The following ITGB6 variants were observed in gnomAD, a reference collection of about 807,000 sequenced individuals.
ITGB6 encodes integrin beta-6.
Under a neutral mutation model 84.5 loss-of-function variants are expected in ITGB6, and 80 were observed. The observed-to-expected ratio is 0.95, with a 90% confidence interval of 0.79 to 1.14. The LOEUF is 1.14. Ranked by LOEUF, ITGB6 falls within the 50% of genes most tolerant of loss-of-function variation. The pLI, the probability that ITGB6 is intolerant of heterozygous loss-of-function variation, is 0.00. For synonymous variants in ITGB6, 383 were observed against 354.9 expected (o/e 1.08, Z -0.89); for missense variants, 1,006 against 968.0 (o/e 1.04, Z -0.52).
chr2:160,152,701 A>G (rs1306703351), intron 7 of ITGB6, among the ~76,000 whole-genome samples: 1 of 152,216 alleles, frequency 6.6e-6, no homozygotes, highest in East Asian at 1.9e-4. Flanking sequence ...AGAAAACCCC[A>G]TCATCTCAGC....
chr2:160,140,143 C>T (rs547536108), intron 8 of ITGB6, among the ~76,000 whole-genome samples: 2 of 152,244 alleles, frequency 1.3e-5, no homozygotes, highest in African/African-American at 4.8e-5. Flanking sequence ...TTTTAGCATA[C>T]ATTTAAAAAT....
chr2:160,118,390 A>G (rs1469975032), intron 12 of ITGB6, among the ~76,000 whole-genome samples: 2 of 152,246 alleles, frequency 1.3e-5, no homozygotes, highest in Non-Finnish European at 2.9e-5. Flanking sequence ...AATCCAGCAT[A>G]TAAACGGAAC....
chr2:160,140,608 G>C (rs1055285758), intron 8 of ITGB6, among the ~76,000 whole-genome samples: 1 of 152,176 alleles, frequency 6.6e-6, no homozygotes, highest in Admixed American at 6.5e-5. Context: ...TTTAATTACT[G>C]CATGAGAGGG....
chr2:160,127,523 T>C (rs1683287310), intron 10 of ITGB6, among the ~76,000 whole-genome samples: 2 of 152,236 alleles, frequency 1.3e-5, no homozygotes, highest in African/African-American at 4.8e-5. Flanking sequence ...CATGTATTGA[T>C]TGATGTCTTA....
At chr2:160,133,131 G>T (rs1367593935) in intron 10 of ITGB6, among the ~76,000 whole-genome samples, 1 of 152,102 alleles carries the variant, frequency 6.6e-6, no homozygotes, top group Non-Finnish European at 1.5e-5. Context: ...ATTGGATAAA[G>T]AGTCAAGACC....
In ITGB6 at chr2:160,137,761, C is replaced by T. The variant is rs1683812033; in HGVS notation, c.1333G>A (p.Glu445Lys). 1.2e-6 allele frequency: 2 copies of T among 1,614,174 alleles called. No homozygotes were observed. The highest frequency in any genetic ancestry group is 2.2e-5 in the South Asian group (2 of 91,074). Residue 445 changes from glutamate to lysine, a missense_variant, in exon 10 of 15, where the codon GAA becomes AAA. Physicochemically the swap from Glu to Lys is moderately conservative, Grantham distance 56. Coordinates refer to ENST00000283249, the MANE Select transcript of ITGB6 (RefSeq NM_000888.5). Reference sequence around the variant, plus strand: ...TTGCATTCTGGGCTGACAAGTAATTCCAGGGCATCCCCCAGCCCCACAGGC... The same window carrying T: ...TTGCATTCTGGGCTGACAAGTAATTTCAGGGCATCCCCCAGCCCCACAGGC... ...IKPVGLGDAL[E>K]LLVSPECNCD...
Position 160,137,813 on chromosome 2 carries a change from C to T in ITGB6, c.1281G>A (p.Glu427=). The T allele has an allele frequency of 3.7e-6, 6 of 1,614,182 alleles. No homozygotes were observed. Among genetic ancestry groups the T allele is most frequent in the Non-Finnish European group, 5.1e-6 (6 of 1,180,022 alleles). ...TTATGATAATGTGCCTGCTTCTTCT[C>T]TCGCAGTGTGGGATATTCACAGTCA... The part of the protein sequence containing the change: ...FSVTVNIPHC[E]RRSRHIIIKP... The change falls in exon 10 of 15, where the codon GAG becomes GAA. Residue 427 remains glutamate (E), a synonymous_variant. Transcript: ENST00000283249.
chr2:160,168,048 A>G (rs575117769), intron 7 of ITGB6, among the ~76,000 whole-genome samples: 3 of 152,204 alleles, frequency 2.0e-5, no homozygotes, highest in Non-Finnish European at 4.4e-5. Context: ...CACATACTAA[A>G]AAGCCTGAAG....
intron 14 of ITGB6, among the ~76,000 whole-genome samples, chr2:160,105,448 C>T (rs921858469): frequency 1.3e-5 from 2 of 152,126 alleles, no homozygotes; most frequent in African/African-American, 4.8e-5. Flanking sequence ...TTGAAATGTG[C>T]TGGTTAGTAG....
intron 4 of ITGB6, chr2:160,179,154 G>A (rs1685558613): frequency 6.6e-6 from 1 of 151,760 alleles, no homozygotes; most frequent in Non-Finnish European, 1.5e-5. Context: ...TCAATTTTTT[G>A]TTAAAATTTT....
At chr2:160,144,372 T>A (rs1193187700) in intron 7 of ITGB6, among the ~76,000 whole-genome samples, 1 of 152,180 alleles carries the variant, frequency 6.6e-6, no homozygotes. Flanking sequence ...GGGAAACTTG[T>A]AAAATACAAG....
chr2:160,105,093 G>A lies in ITGB6; in HGVS notation c.2268+2586C>T, dbSNP rs558488684. ...GAGCGACATTTTTTTCCAGTAGGAT[G>A]TTAGTGAAATTTAAACTGAATTATT... On this transcript the variant is annotated intron_variant, in intron 14 of 14. Transcript: ENST00000283249. Among the ~76,000 whole-genome samples the A allele has an allele frequency of 7.2e-5, 11 of 152,296 alleles. No homozygotes were observed. The East Asian group carries it at 1.2e-3, about 16-fold the overall frequency.
At chr2:160,121,648 G>T (rs7608152) in intron 12 of ITGB6, among the ~76,000 whole-genome samples, 119,714 of 151,856 alleles carry the variant, frequency 0.79, 48,136 homozygotes, top group African/African-American at 0.95. Flanking sequence ...ACACTGTGTA[G>T]GGTGGCATGT....
chr2:160,178,688 CTTT>C (rs746675372), intron 4 of ITGB6, among the ~76,000 whole-genome samples: 8 of 103,724 alleles, frequency 7.7e-5, no homozygotes, highest in African/African-American at 1.0e-4. Flanking sequence ...CTCTCTCTCT[CTTT>C]TTTTTTTTTT....
intron 4 of ITGB6, among the ~76,000 whole-genome samples, chr2:160,179,720 C>G (rs1004316453): frequency 3.3e-5 from 5 of 151,690 alleles, no homozygotes; most frequent in Non-Finnish European, 7.4e-5. Flanking sequence ...TTAGTTTCCT[C>G]TTTTGCAAAA....
chr2:160,187,760 G>A (rs1315342643), intron 4 of ITGB6, among the ~76,000 whole-genome samples: 1 of 151,990 alleles, frequency 6.6e-6, no homozygotes, highest in Admixed American at 6.6e-5. Flanking sequence ...TATGCAGTGG[G>A]TTTATTATTA....
At chr2:160,137,946 C>G in intron 9 of ITGB6, 95 bp from the exon 10 acceptor site, 1 of 1,530,060 alleles carries the variant, frequency 6.5e-7, no homozygotes, top group Non-Finnish European at 8.8e-7. Flanking sequence ...AAAGCATTTA[C>G]TAGAAAATCT....
In ITGB6 at chr2:160,145,942, G is replaced by A. The variant is rs753231990; in HGVS notation, c.1018-3871C>T. ...TGGCTGTCTGCTGGGTCAGTGTTTCGTATTAACTGTATCCTTGCTGGGTAC... is the reference window on the plus strand; with the variant it reads ...TGGCTGTCTGCTGGGTCAGTGTTTCATATTAACTGTATCCTTGCTGGGTAC... On this transcript the variant is annotated intron_variant, in intron 7 of 14. Coordinates refer to ENST00000283249, the MANE Select transcript of ITGB6 (RefSeq NM_000888.5). 1.2e-4 allele frequency among the ~76,000 whole-genome samples: 19 copies of A among 152,142 alleles called. 1 individual carries two copies. Among genetic ancestry groups the A allele is most frequent in the South Asian group, 2.1e-4 (1 of 4,820 alleles).
chr2:160,161,004 T>C (rs1262584626), intron 7 of ITGB6, among the ~76,000 whole-genome samples: 1 of 152,138 alleles, frequency 6.6e-6, no homozygotes, highest in Non-Finnish European at 1.5e-5. Flanking sequence ...ATTTCAGGCA[T>C]AAGAAAATGA....
Sources: gnomAD v4.1 joint callset for allele counts (sites outside exome capture counted in the v4.1 genomes callset) on GRCh38, gnomAD v4.1.1 for gene constraint, MANE v1.5 for transcripts, NCBI Gene and HGNC (gene_info 2026-07-23, HGNC 2026-07-21) for gene names.